The following MYO16 variants were observed in gnomAD, a reference collection of about 807,000 sequenced individuals.
The protein encoded by MYO16 is myosin XVI.
A neutral mutation model predicts 205.3 loss-of-function variants in MYO16; 94 were observed. The ratio of observed to expected loss-of-function variants is 0.46; its 90% CI spans 0.39 to 0.54. MYO16 has a LOEUF of 0.54. Ranked by LOEUF, MYO16 falls within the 20% of genes least tolerant of loss-of-function variation. The pLI is 0.00. For missense variants in MYO16, 2,315 were observed against 2,387.5 expected, an observed-to-expected ratio of 0.97 and a Z score of 0.63; for synonymous variants, 988 against 954.0, an observed-to-expected ratio of 1.04 and a Z score of -0.66.
intron 16 of MYO16, among the ~76,000 whole-genome samples, chr13:108,924,979 C>T (rs992394880): frequency 6.6e-5 from 10 of 152,120 alleles, no homozygotes; most frequent in East Asian, 1.9e-4. Context: ...AGGAAAGGGC[C>T]GTACTTGTCT....
Position 108,907,927 on chromosome 13 carries a change from G to C in MYO16, c.1778-2076G>C, listed in dbSNP as rs116170797. Among the ~76,000 whole-genome samples the C allele has an allele frequency of 3.9e-5, 6 of 152,014 alleles. No homozygotes were observed. In the South Asian group the frequency reaches 6.2e-4, roughly 16 times the overall value. On this transcript the variant is annotated intron_variant, in intron 15 of 34. Coordinates refer to ENST00000457511, the MANE Select transcript of MYO16 (RefSeq NM_001198950.3). The stretch of plus-strand genomic sequence containing the variant: ...CTCATCTGATATTTCATGCCTAAAG[G>C]CTAGAAAAAATGGAAGATAATTTCA...
At chr13:108,962,229 G>T (rs1170965721) in intron 18 of MYO16, among the ~76,000 whole-genome samples, 195 bp from the exon 19 acceptor site, 1 of 152,190 alleles carries the variant, frequency 6.6e-6, no homozygotes, top group Non-Finnish European at 1.5e-5. Flanking sequence ...AGAACTGTAA[G>T]AACTCATTAA....
intron 15 of MYO16, among the ~76,000 whole-genome samples, chr13:108,905,582 G>T (rs9559442): frequency 0.18 from 26,661 of 152,122 alleles, 2,693 homozygotes; most frequent in East Asian, 0.5. Flanking sequence ...TCTCAGACAA[G>T]AAAATGATCT....
At chr13:108,964,309 A>G (rs949203802) in intron 19 of MYO16, among the ~76,000 whole-genome samples, 3 of 152,200 alleles carry the variant, frequency 2.0e-5, no homozygotes, top group African/African-American at 7.2e-5. Context: ...CTAAGGCCCA[A>G]TCTTCTTTCC....
rs756687430 is a variant in MYO16, at chr13:108,910,008, A to G, written c.1783A>G (p.Ile595Val). The G allele has an allele frequency of 1.4e-4, 221 of 1,612,114 alleles. No individual in the cohort carries two copies. Among genetic ancestry groups the G allele is most frequent in the Non-Finnish European group, 1.9e-4 (219 of 1,179,176 alleles). ...ACTTTTCTTTTCCCAACCAGCCAGAATTTATACATATTTGCTAGAGAAATC... is the reference window on the plus strand; with the variant it reads ...ACTTTTCTTTTCCCAACCAGCCAGAGTTTATACATATTTGCTAGAGAAATC... ...ERKQQLTGAR[I>V]YTYLLEKSRL... is the part of the protein sequence containing the mutation. The change falls in exon 16 of 35, where the codon ATT becomes GTT. Residue 595 changes from isoleucine (I) to valine (V), a missense_variant. Ile to Val is a conservative substitution (Grantham distance 29, BLOSUM62 3). Transcript: ENST00000457511.
the MYO16 span, among the ~76,000 whole-genome samples, chr13:108,531,862 A>T: frequency 6.6e-6 from 1 of 152,170 alleles, no homozygotes; most frequent in Admixed American, 6.5e-5. Flanking sequence ...TCAAACTAAC[A>T]GCACAATTAG....
chr13:108,762,832 G>A (rs729548), intron 4 of MYO16, among the ~76,000 whole-genome samples: 3,156 of 152,256 alleles, frequency 0.021, 97 homozygotes, highest in African/African-American at 0.072. Flanking sequence ...AAGAGCCTAC[G>A]TCTTAACCTA....
intron 1 of MYO16, among the ~76,000 whole-genome samples, chr13:108,633,071 C>T (rs1022372438): frequency 2.6e-5 from 4 of 152,038 alleles, no homozygotes; most frequent in African/African-American, 4.8e-5. Context: ...GCATTGTTTG[C>T]AGCAGGAGGA....
At chr13:109,135,554 C>CA (rs35271760) in intron 31 of MYO16, among the ~76,000 whole-genome samples, 2,736 of 152,230 alleles carry the variant, frequency 0.018, 39 homozygotes, top group South Asian at 0.03. Flanking sequence ...AGTGGCTATT[C>CA]ACAGGTATGA....
intron 15 of MYO16, among the ~76,000 whole-genome samples, 197 bp downstream of exon 15, chr13:108,898,330 G>T (rs1880530161): frequency 6.8e-6 from 1 of 146,448 alleles, no homozygotes; most frequent in Non-Finnish European, 1.5e-5. Context: ...CAATACTCAG[G>T]CACTCAGTTG....
At chr13:109,133,500 T>G (rs1463543309) in intron 31 of MYO16, among the ~76,000 whole-genome samples, 1 of 152,218 alleles carries the variant, frequency 6.6e-6, no homozygotes, top group Non-Finnish European at 1.5e-5. Context: ...GAAAATACTT[T>G]GTAGGAGAAA....
In MYO16 at chr13:108,980,281, G is replaced by A. The variant is rs145921116; in HGVS notation, c.2370-12095G>A. 2.6e-4 allele frequency among the ~76,000 whole-genome samples: 40 copies of A among 152,280 alleles called. 1 individual carries two copies. In the East Asian group the frequency reaches 7.5e-3, roughly 29 times the overall value. ...TCTTTCTTGAGCCAAGAGTGCAGAG[G>A]CTAAAGCTTGTATATTTTATATAAA... On this transcript the variant is annotated intron_variant, in intron 20 of 34. Coordinates refer to ENST00000457511, the MANE Select transcript of MYO16 (RefSeq NM_001198950.3).
At chr13:108,797,129 A>G (rs927045024) in intron 6 of MYO16, among the ~76,000 whole-genome samples, 3 of 152,134 alleles carry the variant, frequency 2.0e-5, no homozygotes, top group African/African-American at 7.2e-5. Flanking sequence ...TTTAGCTTAA[A>G]CTACCAGTGT....
At chr13:109,046,879 G>T in intron 23 of MYO16, 37 bp from the exon 24 acceptor site, 1 of 1,495,992 alleles carries the variant, frequency 6.7e-7, no homozygotes, top group South Asian at 1.1e-5. Flanking sequence ...CAGTCATGTT[G>T]AATCATTAGT....
intron 28 of MYO16, among the ~76,000 whole-genome samples, chr13:109,119,236 C>T (rs9559503): frequency 0.072 from 10,944 of 152,192 alleles, 858 homozygotes; most frequent in East Asian, 0.43. Flanking sequence ...ACACACGTGC[C>T]AGCGTCTGGT....
intron 1 of MYO16, among the ~76,000 whole-genome samples, chr13:108,613,509 C>T (rs1879248360): frequency 1.3e-5 from 2 of 152,082 alleles, no homozygotes; most frequent in Non-Finnish European, 2.9e-5. Context: ...TTCCCAATCA[C>T]TCTATGCAGC....
At position 109,127,126 on chromosome 13, in the gene MYO16, G is replaced by A. The variant is rs1041698540; in HGVS notation, c.3783-156G>A. On this transcript the variant is annotated intron_variant, in intron 30 of 34. Coordinates refer to ENST00000457511, the MANE Select transcript of MYO16 (RefSeq NM_001198950.3). The surrounding 1 kb of genome is among the most constrained non-coding windows in gnomAD (Gnocchi z 4.2). ...ACGGGTGGCCTTCTCTGGACCAACT[G>A]GTCACCAGAGGGCTGCACACGTCCT... Among the ~76,000 whole-genome samples the A allele has an allele frequency of 1.3e-5, 2 of 152,098 alleles. No individual in the cohort carries two copies. The highest frequency in any genetic ancestry group is 3.9e-4 in the East Asian group (2 of 5,170).
chr13:108,734,774 A>C (rs886631742), intron 4 of MYO16, among the ~76,000 whole-genome samples: 1 of 152,222 alleles, frequency 6.6e-6, no homozygotes, highest in Non-Finnish European at 1.5e-5. Flanking sequence ...TGCTTTTGCT[A>C]TCAAGCTTTC....
chr13:108,948,477 C>A (rs1452266247), intron 16 of MYO16, among the ~76,000 whole-genome samples: 1 of 152,210 alleles, frequency 6.6e-6, no homozygotes, highest in Non-Finnish European at 1.5e-5. Flanking sequence ...AGTAGGCACA[C>A]AAGGATTGTT....
Sources: allele counts gnomAD v4.1 joint callset (sites outside exome capture counted in the v4.1 genomes callset), GRCh38; gene constraint gnomAD v4.1.1; non-coding constraint Gnocchi (gnomAD v3.1); transcripts MANE v1.5; gene names NCBI Gene and HGNC (gene_info 2026-07-23, HGNC 2026-07-21).